The following IFT52 variants were observed in gnomAD, a reference collection of about 807,000 sequenced individuals.
IFT52 encodes intraflagellar transport protein 52 homolog.
Under a neutral mutation model 54.4 loss-of-function variants are expected in IFT52, and 44 were observed. The observed-to-expected ratio is 0.81, with a 90% CI of 0.63 to 1.04. The LOEUF is 1.04. IFT52 is among the 50% of genes least tolerant of loss of function. The pLI is 0.00. For synonymous variants in IFT52, 181 were observed against 185.3 expected, an observed-to-expected ratio of 0.98 and a Z score of 0.19; for missense variants, 452 against 523.6, an observed-to-expected ratio of 0.86 and a Z score of 1.33.
chr20:43,631,786 C>A (rs1260958169), intron 10 of IFT52, among the ~76,000 whole-genome samples: 3 of 152,144 alleles, frequency 2.0e-5, no homozygotes, highest in African/African-American at 7.2e-5. Flanking sequence ...CACCCTTCTG[C>A]CTGTTCTTGC....
chr20:43,596,570 C>A, intron 3 of IFT52, 48 bp downstream of exon 3: 4 of 1,276,876 alleles, frequency 3.1e-6, no homozygotes, highest in Non-Finnish European at 4.5e-6. Context: ...GATTAGGAGT[C>A]TGAGCTTTGA....
intron 3 of IFT52, among the ~76,000 whole-genome samples, chr20:43,597,487 A>G (rs781261815): frequency 6.6e-6 from 1 of 152,220 alleles, no homozygotes; most frequent in Non-Finnish European, 1.5e-5. Flanking sequence ...AATGACAAGT[A>G]TTGGTGAGAA....
At chr20:43,593,401 A>C (rs1355037017) in intron 1 of IFT52, among the ~76,000 whole-genome samples, 2 of 152,234 alleles carry the variant, frequency 1.3e-5, no homozygotes, top group East Asian at 3.8e-4. Context: ...TCAGCCATTC[A>C]ATAGATAAGA....
intron 12 of IFT52, among the ~76,000 whole-genome samples, chr20:43,641,921 G>C (rs1163171061): frequency 6.6e-6 from 1 of 152,086 alleles, no homozygotes; most frequent in Non-Finnish European, 1.5e-5. Context: ...AGCCTCCCGA[G>C]TAGCTGGGAT....
At chr20:43,641,030 C>CAA (rs10523117) in intron 12 of IFT52, among the ~76,000 whole-genome samples, 17 of 90,346 alleles carry the variant, frequency 1.9e-4, no homozygotes, top group South Asian at 4.0e-4. Flanking sequence ...AACCTTGTCT[C>CAA]AAAAAAAAAA....
rs2145681061 is a variant in IFT52 at position 43,642,483 on chromosome 20, T to C, written c.1125T>C (p.Thr375=). 1 of 1,614,086 alleles carries C rather than the reference T, an allele frequency of 6.2e-7. No homozygotes were observed. The highest frequency in any genetic ancestry group is 1.7e-5 in the Admixed American group (1 of 60,008). Residue 375 remains threonine, a synonymous_variant, in exon 13 of 14, where the codon ACT becomes ACC. Coordinates refer to ENST00000373030, the MANE Select transcript of IFT52 (RefSeq NM_016004.5). The part of the protein sequence containing the change: ...ARLAQITNKC[T]EEDLEFYVRK... ...CTACTACTCCAACTGTCTTAGGTAC[T>C]GAAGAAGACCTGGAATTTTATGTCA...
At chr20:43,591,627 G>C (rs769358512) in intron 1 of IFT52, among the ~76,000 whole-genome samples, 9 of 152,172 alleles carry the variant, frequency 5.9e-5, no homozygotes, top group Non-Finnish European at 1.2e-4. Flanking sequence ...TGATGTTAAA[G>C]TGCTTAAAGA....
intron 2 of IFT52, among the ~76,000 whole-genome samples, chr20:43,595,897 TA>T (rs961663295): frequency 5.3e-5 from 8 of 149,888 alleles, no homozygotes; most frequent in African/African-American, 1.7e-4. Flanking sequence ...AAACAAAAAT[TA>T]AAAAAAAAAT....
chr20:43,591,777 C>T (rs1310127879), intron 1 of IFT52, among the ~76,000 whole-genome samples: 2 of 152,104 alleles, frequency 1.3e-5, no homozygotes, highest in African/African-American at 4.8e-5. Context: ...GCAGTGTGGG[C>T]CCGTAGTCCT....
chr20:43,620,330 G>T (rs1016869309), intron 8 of IFT52, among the ~76,000 whole-genome samples: 1 of 152,138 alleles, frequency 6.6e-6, no homozygotes, highest in African/African-American at 2.4e-5. Flanking sequence ...AGAGGTTAGG[G>T]TGCTTAAAGA....
intron 2 of IFT52, among the ~76,000 whole-genome samples, chr20:43,595,348 A>C (rs903709947): frequency 3.4e-5 from 5 of 149,232 alleles, no homozygotes; most frequent in Non-Finnish European, 7.4e-5. Flanking sequence ...AGAAAGATCA[A>C]GACCATCCTG....
intron 13 of IFT52, 150 bp downstream of exon 13, chr20:43,642,774 T>C: frequency 1.4e-6 from 1 of 725,908 alleles, no homozygotes; most frequent in South Asian, 2.0e-5. Flanking sequence ...ATAAACCCTG[T>C]ACTTATGGAA....
intron 6 of IFT52, among the ~76,000 whole-genome samples, chr20:43,609,509 C>T (rs745610514): frequency 6.6e-6 from 1 of 152,004 alleles, no homozygotes; most frequent in Non-Finnish European, 1.5e-5. Flanking sequence ...CGGTGGCTCA[C>T]GCCTGTAATC....
chr20:43,609,054 A>G (rs1983208497), intron 6 of IFT52, among the ~76,000 whole-genome samples: 1 of 151,462 alleles, frequency 6.6e-6, no homozygotes, highest in African/African-American at 2.4e-5. Context: ...TGGGCAACAT[A>G]GTGGGACCCT....
At chr20:43,611,441 C>CTT (rs11469500) in intron 6 of IFT52, among the ~76,000 whole-genome samples, 8 of 55,098 alleles carry the variant, frequency 1.5e-4, no homozygotes, top group Admixed American at 2.6e-4. Flanking sequence ...AAATGTCAGT[C>CTT]TTTTTTTTTT....
At chr20:43,594,411 T>TGATGGCAGGGCAGAGCCATAGGTGTAG (rs1981768000) in intron 1 of IFT52, among the ~76,000 whole-genome samples, 1 of 152,058 alleles carries the variant, frequency 6.6e-6, no homozygotes, top group Admixed American at 6.6e-5. Context: ...AAGAGCAGGG[T>TGATGGCAGGGCAGAGCCATAGGTGTAG]GATGGCAGGG....
Position 43,619,040 on chromosome 20 carries a change from T to G in IFT52, c.699+14T>G. On this transcript the variant is annotated intron_variant, in intron 8 of 13. Coordinates refer to ENST00000373030, the MANE Select transcript of IFT52 (RefSeq NM_016004.5). ...AGCAAAATCATGGTAAGCTTTTTCT[T>G]TTGTCATATTAATATACAATGTGTA... 6.6e-7 allele frequency: 1 copy of G among 1,521,808 alleles called. No individual in the cohort carries two copies. The highest frequency in any genetic ancestry group is 9.1e-7 in the Non-Finnish European group (1 of 1,097,506). 94.3% of individuals were successfully genotyped at this position (1,521,808 alleles called of 1,614,324 possible). A position where few individuals can be genotyped will look rare whatever the true frequency, so the allele number is the denominator to read the frequency against.
At chr20:43,625,913 C>G (rs532778674) in intron 10 of IFT52, among the ~76,000 whole-genome samples, 1 of 149,942 alleles carries the variant, frequency 6.7e-6, no homozygotes, top group South Asian at 2.1e-4. Flanking sequence ...CACAGTAACT[C>G]AGGCATGAGT....
At chr20:43,596,845 A>G (rs1487089793) in intron 3 of IFT52, among the ~76,000 whole-genome samples, 1 of 149,422 alleles carries the variant, frequency 6.7e-6, no homozygotes. Flanking sequence ...GGGTTCAAGC[A>G]ATTCTCACTG....
Sources: allele counts gnomAD v4.1 joint callset (sites outside exome capture counted in the v4.1 genomes callset), GRCh38; gene constraint gnomAD v4.1.1; transcripts MANE v1.5; gene names NCBI Gene and HGNC (gene_info 2026-07-23, HGNC 2026-07-21).